Variants in LRRC63 observed in about 807,000 individuals in gnomAD.
The protein encoded by LRRC63 is leucine-rich repeat-containing protein 63.
Under a neutral mutation model 49.5 loss-of-function variants are expected in LRRC63, and 40 were observed. The observed-to-expected ratio is 0.81, with a 90% confidence interval of 0.63 to 1.05. The LOEUF (loss-of-function observed/expected upper bound fraction) is 1.05, where lower values mean the gene tolerates loss of function less well. Among genes scored for constraint, LRRC63 ranks in the 50% least tolerant of loss-of-function variants. LRRC63 has a pLI of 0.00. For missense variants in LRRC63, 636 were observed against 663.1 expected (o/e 0.96, Z 0.45); for synonymous variants, 191 against 221.1 (o/e 0.86, Z 1.21).
At chr13:46,242,544 C>G (rs541927830) in intron 5 of LRRC63, among the ~76,000 whole-genome samples, 34 of 151,902 alleles carry the variant, frequency 2.2e-4, no homozygotes, top group Non-Finnish European at 3.8e-4. Context: ...CTGGAGATAA[C>G]CAGCAGCACT....
chr13:46,257,837 T>C (rs2047540018), intron 7 of LRRC63, among the ~76,000 whole-genome samples: 1 of 152,214 alleles, frequency 6.6e-6, no homozygotes, highest in Non-Finnish European at 1.5e-5. Flanking sequence ...GGCTAAGCAT[T>C]GTATTTAAAA....
chr13:46,255,645 A>AATATATATATATATATAT lies in LRRC63; in HGVS notation c.1226+5158_1226+5175dup, dbSNP rs142798828. 7.0e-4 allele frequency among the ~76,000 whole-genome samples: 90 copies of AATATATATATATATATAT among 129,446 alleles called. 3 individuals are homozygous for AATATATATATATATATAT. The highest frequency in any genetic ancestry group is 2.3e-3 in the East Asian group (9 of 3,980). The allele number at this position is 129,446 out of a possible 152,430, so 84.9% of individuals were successfully genotyped here. A position where few individuals can be genotyped will look rare whatever the true frequency, so the allele number is the denominator to read the frequency against. ...GGCAACAGAGTAAGACCCTGCCTCA[A>AATATATATATATATATAT]ATATATATATATATATATATAGTTA... On this transcript the variant is annotated intron_variant, in intron 7 of 9. Transcript: ENST00000595396.
chr13:46,266,589 G>C, intron 8 of LRRC63, 144 bp from the exon 9 acceptor site: 1 of 692,404 alleles, frequency 1.4e-6, no homozygotes, highest in East Asian at 2.8e-5. Context: ...TAATTCTCTT[G>C]ATTCTAAAGA....
chr13:46,222,277 T>C (rs920933191), intron 2 of LRRC63, among the ~76,000 whole-genome samples: 1 of 152,174 alleles, frequency 6.6e-6, no homozygotes, highest in East Asian at 1.9e-4. Context: ...CCTTGTGGTA[T>C]GGATAGTTTG....
chr13:46,227,061 A>G (rs1325793128), intron 2 of LRRC63, among the ~76,000 whole-genome samples: 2 of 152,232 alleles, frequency 1.3e-5, no homozygotes, highest in African/African-American at 4.8e-5. Context: ...TTCAAAAGAC[A>G]CATTGGTCTG....
chr13:46,273,907 G>C (rs1594104051), intron 9 of LRRC63, among the ~76,000 whole-genome samples: 2 of 114,922 alleles, frequency 1.7e-5, no homozygotes. Context: ...GCAAGACTCT[G>C]TCTCAAAAAA....
chr13:46,264,171 A>G lies in LRRC63; in HGVS notation c.1310+2179A>G, dbSNP rs147955446. Among the ~76,000 whole-genome samples the G allele has an allele frequency of 1.6e-3, 249 of 152,194 alleles. 1 individual carries two copies. The highest frequency in any genetic ancestry group is 5.7e-3 in the African/African-American group (237 of 41,524). Reference sequence around the variant, plus strand: ...ACTGGAAAGACTAAGATTCTCCCATAATCTTTGACCTTTCAGAATTTTATG... The same window carrying G: ...ACTGGAAAGACTAAGATTCTCCCATGATCTTTGACCTTTCAGAATTTTATG... On this transcript the variant is annotated intron_variant, in intron 8 of 9. Transcript: ENST00000595396.
rs142662716 is a variant in LRRC63 at position 46,240,928 on chromosome 13, G to C, written c.991-5599G>C. Among the ~76,000 whole-genome samples the C allele has an allele frequency of 2.2e-3, 335 of 152,248 alleles. 3 individuals are homozygous for C. The highest frequency in any genetic ancestry group is 7.7e-3 in the African/African-American group (318 of 41,544). ...TACTGACGAAAGCGATTTATAGATT[G>C]AATGCTATTCCTGTTAAACTACCAG... On this transcript the variant is annotated intron_variant, in intron 5 of 9. Coordinates refer to ENST00000595396, the Ensembl canonical transcript of LRRC63.
At chr13:46,256,494 C>A (rs974644959) in intron 7 of LRRC63, among the ~76,000 whole-genome samples, 3 of 152,166 alleles carry the variant, frequency 2.0e-5, no homozygotes, top group Non-Finnish European at 4.4e-5. Context: ...TATTCCCAGG[C>A]CTTGAAACCA....
At chr13:46,255,063 A>T (rs1274088309) in intron 7 of LRRC63, among the ~76,000 whole-genome samples, 1 of 152,246 alleles carries the variant, frequency 6.6e-6, no homozygotes, top group East Asian at 1.9e-4. Flanking sequence ...ATATATACAT[A>T]CATAGAACAT....
At chr13:46,251,447 T>G (rs1470873945) in intron 7 of LRRC63, among the ~76,000 whole-genome samples, 1 of 151,878 alleles carries the variant, frequency 6.6e-6, no homozygotes, top group Non-Finnish European at 1.5e-5. Context: ...TCTGTTTGAC[T>G]CATCCGGATT....
rs9634801 is a variant in LRRC63, at chr13:46,276,438, G to A, written c.1551-152G>A. 4.6e-5 allele frequency among the ~76,000 whole-genome samples: 7 copies of A among 152,108 alleles called. No homozygotes were observed. In the East Asian group the frequency reaches 1.2e-3, roughly 25 times the overall value. On this transcript the variant is annotated intron_variant, in intron 9 of 9. Transcript: ENST00000595396. ...CCTACTTTATTGTTCAGCTTTTTTA[G>A]CGTTTAGTCTTTCACTTAATGGGTA... is the stretch of plus-strand genomic sequence containing the variant.
intron 2 of LRRC63, among the ~76,000 whole-genome samples, chr13:46,226,994 T>C (rs1238565954): frequency 6.6e-6 from 1 of 152,216 alleles, no homozygotes. Context: ...AGAATACTTA[T>C]TGTTATAACC....
intron 7 of LRRC63, among the ~76,000 whole-genome samples, chr13:46,259,921 G>A (rs183709071): frequency 6.6e-6 from 1 of 152,064 alleles, no homozygotes; most frequent in Non-Finnish European, 1.5e-5. Flanking sequence ...TCTAGTTTAG[G>A]CAGCTCATTG....
At chr13:46,242,385 G>T (rs2047089223) in intron 5 of LRRC63, among the ~76,000 whole-genome samples, 1 of 152,056 alleles carries the variant, frequency 6.6e-6, no homozygotes, top group Admixed American at 6.6e-5. Context: ...ATACTTGGGT[G>T]ATGAAATAAT....
intron 5 of LRRC63, among the ~76,000 whole-genome samples, chr13:46,246,184 C>A (rs1012170497): frequency 6.6e-6 from 1 of 152,142 alleles, no homozygotes; most frequent in African/African-American, 2.4e-5. Flanking sequence ...GAGGCCTCCC[C>A]AGAAGCTGAG....
chr13:46,236,673 G>C (rs2046913816), intron 5 of LRRC63, among the ~76,000 whole-genome samples: 1 of 152,164 alleles, frequency 6.6e-6, no homozygotes, highest in Non-Finnish European at 1.5e-5. Flanking sequence ...AGAAATGCTA[G>C]AGAGTTGTTC....
chr13:46,256,413 A>C (rs192653666), intron 7 of LRRC63, among the ~76,000 whole-genome samples: 4 of 152,326 alleles, frequency 2.6e-5, no homozygotes, highest in African/African-American at 9.6e-5. Flanking sequence ...CTGTGATTCT[A>C]AAAGACAGAG....
chr13:46,238,379 G>A (rs35523941), intron 5 of LRRC63, among the ~76,000 whole-genome samples: 18,157 of 151,890 alleles, frequency 0.12, 1,391 homozygotes, highest in African/African-American at 0.2. Context: ...CCATGTAATC[G>A]AACACAAAAC....
Sources: allele counts gnomAD v4.1 joint callset (sites outside exome capture counted in the v4.1 genomes callset), GRCh38; gene constraint gnomAD v4.1.1; transcripts MANE v1.5; gene names NCBI Gene and HGNC (gene_info 2026-07-23, HGNC 2026-07-21).